The following CHRM3 variants were observed in gnomAD, a reference collection of about 807,000 sequenced individuals.
CHRM3 encodes the protein muscarinic acetylcholine receptor M3.
In CHRM3, 11 loss-of-function variants were observed where a neutral mutation model predicts 41.8. The observed-to-expected ratio is 0.26, with a 90% CI of 0.17 to 0.44. The LOEUF (loss-of-function observed/expected upper bound fraction) is 0.44. CHRM3 is among the 20% of genes least tolerant of loss of function. The probability of loss-of-function intolerance (pLI) is 1.00; values close to 1 mark genes in which losing one functional copy is unlikely to be tolerated. For synonymous variants in CHRM3, 297 were observed against 301.4 expected (o/e 0.99, Z 0.15); for missense variants, 571 against 745.4 (o/e 0.77, Z 2.72).
At chr1:239,810,201 T>C (rs1010760529) in intron 5 of CHRM3, among the ~76,000 whole-genome samples, 2 of 152,122 alleles carry the variant, frequency 1.3e-5, no homozygotes, top group African/African-American at 4.8e-5. Flanking sequence ...AGGGCCGTGA[T>C]GAAATGCCAG....
chr1:239,671,128 A>G (rs552023360), intron 4 of CHRM3, among the ~76,000 whole-genome samples: 30 of 152,232 alleles, frequency 2.0e-4, no homozygotes, highest in African/African-American at 7.0e-4. Context: ...TGTGGCTTTC[A>G]TCTGCATTTT....
chr1:239,795,515 G>A lies in CHRM3; in HGVS notation c.-146-31737G>A, dbSNP rs79763892. Reference sequence around the variant, plus strand: ...TTTTGTGAAGCAGATTTCCTCCACTGTGTGGAAGTTGGCTCTCTTTCAGTC... The same window carrying A: ...TTTTGTGAAGCAGATTTCCTCCACTATGTGGAAGTTGGCTCTCTTTCAGTC... On this transcript the variant is annotated intron_variant, in intron 5 of 6. Coordinates refer to ENST00000676153, the MANE Select transcript of CHRM3 (RefSeq NM_001375978.1). Among the ~76,000 whole-genome samples, 974 of 152,284 alleles carry A rather than the reference G, an allele frequency of 6.4e-3. 7 individuals carry two copies. The highest frequency in any genetic ancestry group is 9.8e-3 in the Non-Finnish European group (669 of 68,028).
At chr1:239,552,442 T>C (rs1659942958) in intron 3 of CHRM3, among the ~76,000 whole-genome samples, 1 of 147,308 alleles carries the variant, frequency 6.8e-6, no homozygotes, top group African/African-American at 2.5e-5. Context: ...TATGTATAGA[T>C]GATATGTATC....
At chr1:239,898,680 C>T (rs1679220289) in intron 6 of CHRM3, among the ~76,000 whole-genome samples, 1 of 152,150 alleles carries the variant, frequency 6.6e-6, no homozygotes, top group South Asian at 2.1e-4. Context: ...CGAGAGCCCT[C>T]AAACATTTTT....
chr1:239,701,472 T>C (rs1206564643), intron 5 of CHRM3, among the ~76,000 whole-genome samples: 1 of 152,194 alleles, frequency 6.6e-6, no homozygotes, highest in Non-Finnish European at 1.5e-5. Context: ...GTGTGCAAGA[T>C]CTGTCCTTAA....
At chr1:239,827,942 T>C (rs546415349) in intron 6 of CHRM3, among the ~76,000 whole-genome samples, 2 of 152,354 alleles carry the variant, frequency 1.3e-5, no homozygotes, top group African/African-American at 2.4e-5. Context: ...TTCTTTACAT[T>C]CTTTTTTCTA....
rs553856526 is a variant in CHRM3 at position 239,534,402 on chromosome 1, A to C, written c.-421-11239A>C. Among the ~76,000 whole-genome samples, 4 of 152,310 alleles carry C rather than the reference A, an allele frequency of 2.6e-5. No homozygotes were observed. The South Asian group carries it at 8.3e-4, about 32-fold the overall frequency. On this transcript the variant is annotated intron_variant, in intron 2 of 6. Transcript: ENST00000676153. ...TTAATTTTCAAAGCGTATTCACAGA[A>C]TATTACCTGTATTTAATTTGCTGAG...
intron 5 of CHRM3, among the ~76,000 whole-genome samples, chr1:239,796,405 A>G (rs1322039925): frequency 6.6e-6 from 1 of 152,212 alleles, no homozygotes; most frequent in Admixed American, 6.5e-5. Context: ...AGAGGAACGT[A>G]TACCACCAAA....
At position 239,765,620 on chromosome 1, in the gene CHRM3, C is replaced by CA. The variant is rs137960884; in HGVS notation, c.-146-61626dup. Among the ~76,000 whole-genome samples the CA allele has an allele frequency of 1.2e-3, 182 of 151,990 alleles. 2 individuals are homozygous for CA. The East Asian group carries it at 0.03, about 25-fold the overall frequency. On this transcript the variant is annotated intron_variant, in intron 5 of 6. Transcript: ENST00000676153. ...CGAAACCTACTTATTTCCTTACACACAAAAAATGGCTTTGTAGGGAAAGAG... is the reference window on the plus strand; with the variant it reads ...CGAAACCTACTTATTTCCTTACACACAAAAAAATGGCTTTGTAGGGAAAGAG...
Position 239,507,816 on chromosome 1 carries a change from G to T in CHRM3, c.-422+15009G>T, listed in dbSNP as rs181690926. Among the ~76,000 whole-genome samples the T allele has an allele frequency of 2.1e-3, 324 of 152,256 alleles. 2 individuals carry two copies. The highest frequency in any genetic ancestry group is 7.3e-3 in the African/African-American group (304 of 41,550). On this transcript the variant is annotated intron_variant, in intron 2 of 6. Transcript: ENST00000676153. ...AAAGTTAAAATCTGCTTTGGACTTG[G>T]GGGGCTTAGGATGCCAGAGGGTATC...
rs116012568 is a variant in CHRM3, at chr1:239,724,075, T to C, written c.-147+45787T>C. Among the ~76,000 whole-genome samples, 760 of 151,744 alleles carry C rather than the reference T, an allele frequency of 5.0e-3. 4 individuals are homozygous for C. Among genetic ancestry groups the C allele is most frequent in the African/African-American group, 0.018 (731 of 41,406 alleles). On this transcript the variant is annotated intron_variant, in intron 5 of 6. Coordinates refer to ENST00000676153, the MANE Select transcript of CHRM3 (RefSeq NM_001375978.1). ...CACAAACCTGCCTTTTTTTTTTCCA[T>C]CCAAGTCAATATTGGCCCAAAGTCA...
chr1:239,745,136 A>G (rs1665234353), intron 5 of CHRM3, among the ~76,000 whole-genome samples: 1 of 152,158 alleles, frequency 6.6e-6, no homozygotes, highest in Admixed American at 6.5e-5. Flanking sequence ...TTTCTGTGAC[A>G]TGCTAAGGAA....
rs571854250 is a variant in CHRM3, at chr1:239,748,237, C to A, written c.-147+69949C>A. ...CACTAATTGAAGATGTATTGTATATCGTTAAATAACTGCTTTTTATCATTA... is the reference window on the plus strand; with the variant it reads ...CACTAATTGAAGATGTATTGTATATAGTTAAATAACTGCTTTTTATCATTA... On this transcript the variant is annotated intron_variant, in intron 5 of 6. Coordinates refer to ENST00000676153, the MANE Select transcript of CHRM3 (RefSeq NM_001375978.1). The surrounding 1 kb of genome is among the most constrained non-coding windows in gnomAD (Gnocchi z 4.3). 6.6e-6 allele frequency among the ~76,000 whole-genome samples: 1 copy of A among 152,296 alleles called. No individual in the cohort carries two copies. Among genetic ancestry groups the A allele is most frequent in the East Asian group, 1.9e-4 (1 of 5,182 alleles).
At chr1:239,871,520 A>G (rs1051485108) in intron 6 of CHRM3, among the ~76,000 whole-genome samples, 2 of 152,186 alleles carry the variant, frequency 1.3e-5, no homozygotes, top group Non-Finnish European at 2.9e-5. Flanking sequence ...GATTACAGGC[A>G]TGAGCCACCA....
intron 4 of CHRM3, among the ~76,000 whole-genome samples, chr1:239,635,924 A>G (rs1159290365): frequency 6.6e-6 from 1 of 152,170 alleles, no homozygotes; most frequent in Non-Finnish European, 1.5e-5. Flanking sequence ...GATGTCCCCA[A>G]CGTGTCTTTT....
chr1:239,663,570 T>A (rs1673478523), intron 4 of CHRM3, among the ~76,000 whole-genome samples: 1 of 152,232 alleles, frequency 6.6e-6, no homozygotes, highest in Non-Finnish European at 1.5e-5. Flanking sequence ...TAGGCCTGTT[T>A]GTATTTTTAA....
At chr1:239,769,480 A>G (rs549773819) in intron 5 of CHRM3, among the ~76,000 whole-genome samples, 1 of 152,368 alleles carries the variant, frequency 6.6e-6, no homozygotes, top group South Asian at 2.1e-4. Context: ...TTCAGCATGT[A>G]GAACAGTTGT....
intron 4 of CHRM3, among the ~76,000 whole-genome samples, chr1:239,662,890 C>T (rs1010376975): frequency 4.0e-4 from 6 of 14,894 alleles, no homozygotes; most frequent in Admixed American, 1.5e-3. Context: ...CCTCTTCCTC[C>T]TCCTCTTCTT....
At chr1:239,660,621 G>A (rs1673108028) in intron 4 of CHRM3, among the ~76,000 whole-genome samples, 1 of 152,110 alleles carries the variant, frequency 6.6e-6, no homozygotes. Context: ...AGTGGCTCAT[G>A]CGTGTAATCC....
Sources: allele counts gnomAD v4.1 joint callset (sites outside exome capture counted in the v4.1 genomes callset), GRCh38; gene constraint gnomAD v4.1.1; non-coding constraint Gnocchi (gnomAD v3.1); transcripts MANE v1.5; gene names NCBI Gene and HGNC (gene_info 2026-07-23, HGNC 2026-07-21).